ERVK3-1: variants seen among roughly 807,000 people sequenced by gnomAD.
ERVK3-1 encodes the protein endogenous retrovirus group K3 member 1.
Position 58,312,133 on chromosome 19 carries a change from C to G in ERVK3-1, c.-3-33C>G, listed in dbSNP as rs928017878. The stretch of plus-strand genomic sequence containing the variant: ...TGGAAAGGTCCGGTGGATTTGCTGA[C>G]GTGGGGACGAGGGTATGCTTGTGTT... On this transcript the variant is annotated intron_variant, in intron 2 of 3. Coordinates refer to ENST00000413518, the Ensembl canonical transcript of ERVK3-1. This position sits in a 1 kb window ranked among gnomAD's most constrained non-coding sequence, Gnocchi z 4.7. 3 of 399,856 alleles carry G rather than the reference C, an allele frequency of 7.5e-6. No individual in the cohort carries two copies. Among genetic ancestry groups the G allele is most frequent in the Non-Finnish European group, 1.3e-5 (3 of 226,096 alleles). 24.8% of individuals were successfully genotyped at this position (399,856 alleles called of 1,614,324 possible). A position where few individuals can be genotyped will look rare whatever the true frequency, so the allele number is the denominator to read the frequency against.
In ERVK3-1 at chr19:58,312,137, G is replaced by A. The variant is rs1052668571; in HGVS notation, c.-3-29G>A. 2.5e-5 allele frequency: 10 copies of A among 399,978 alleles called. No individual in the cohort carries two copies. The highest frequency in any genetic ancestry group is 4.0e-5 in the Non-Finnish European group (9 of 226,110). The allele number at this position is 399,978 out of a possible 1,614,324, so 24.8% of individuals were successfully genotyped here. On this transcript the variant is annotated intron_variant, in intron 2 of 3. Transcript: ENST00000413518. This position sits in a 1 kb window ranked among gnomAD's most constrained non-coding sequence, Gnocchi z 4.7. ...AAGGTCCGGTGGATTTGCTGACGTG[G>A]GGACGAGGGTATGCTTGTGTTTTTA...
rs117318795 is a variant in ERVK3-1, at chr19:58,308,700, C to T, written c.-4+2484C>T. ...CTGATAGGGGTCATTGATACTTCTT[C>T]TCCACCCACTGCCTTGCTGCTAGAG... On this transcript the variant is annotated intron_variant, in intron 2 of 3. Transcript: ENST00000413518. Among the ~76,000 whole-genome samples, 208 of 152,294 alleles carry T rather than the reference C, an allele frequency of 1.4e-3. 2 individuals are homozygous for T. The East Asian group carries it at 0.033, about 24-fold the overall frequency.
At chr19:58,307,162 G>A (rs749521141) in intron 2 of ERVK3-1, among the ~76,000 whole-genome samples, 7 of 152,218 alleles carry the variant, frequency 4.6e-5, no homozygotes, top group Non-Finnish European at 7.3e-5. Context: ...GCCGCTAAGC[G>A]TGCCTGGGCC....
intron 2 of ERVK3-1, among the ~76,000 whole-genome samples, chr19:58,306,915 CA>C (rs1290872705): frequency 6.6e-6 from 1 of 152,212 alleles, no homozygotes; most frequent in African/African-American, 2.4e-5. Flanking sequence ...AATCTGTATT[CA>C]GCACTATGCG....
Position 58,310,366 on chromosome 19 carries a change from G to T in ERVK3-1, c.-3-1800G>T. The T allele has an allele frequency of 6.3e-6, 1 of 159,192 alleles. No homozygotes were observed. Among genetic ancestry groups the T allele is most frequent in the Non-Finnish European group, 1.4e-5 (1 of 72,678 alleles). The allele number at this position is 159,192 out of a possible 1,614,324, so 9.9% of individuals were successfully genotyped here. Reference sequence around the variant, plus strand: ...AGATAAAAGGCAGCTGGGCCTGGGGGACCACTACCACCAATGCGCGGAGAC... The same window carrying T: ...AGATAAAAGGCAGCTGGGCCTGGGGTACCACTACCACCAATGCGCGGAGAC... On this transcript the variant is annotated intron_variant, in intron 2 of 3. Transcript: ENST00000413518. The surrounding 1 kb of genome is among the most constrained non-coding windows in gnomAD (Gnocchi z 4.7).
chr19:58,307,240 T>C (rs1483743273), intron 2 of ERVK3-1, among the ~76,000 whole-genome samples: 1 of 152,238 alleles, frequency 6.6e-6, no homozygotes, highest in Non-Finnish European at 1.5e-5. Flanking sequence ...CAGGAGCCCT[T>C]TGCACAATTT....
In ERVK3-1 at chr19:58,313,458, G is replaced by GT. The variant is rs755931583; in HGVS notation, c.294+1002dup. 4.0e-5 allele frequency among the ~76,000 whole-genome samples: 6 copies of GT among 151,424 alleles called. No individual in the cohort carries two copies. The highest frequency in any genetic ancestry group is 8.8e-5 in the Non-Finnish European group (6 of 67,976). ...CCGCCACCGTGCCAGGCTATTTTTT[G>GT]TTTTTTGTATTTTTAATAGAAACGG... On this transcript the variant is annotated intron_variant, in intron 3 of 3. Coordinates refer to ENST00000413518, the Ensembl canonical transcript of ERVK3-1. The surrounding 1 kb of genome is among the most constrained non-coding windows in gnomAD (Gnocchi z 4.5).
At chr19:58,315,747 C>G (rs2147973330), downstream of ERVK3-1, 1 of 152,288 alleles carries the variant, frequency 6.6e-6, no homozygotes, top group African/African-American at 2.4e-5. Flanking sequence ...CTGGGTGTAT[C>G]TGTTTGTCCG....
downstream of ERVK3-1, among the ~76,000 whole-genome samples, chr19:58,316,289 G>T (rs73941821): frequency 0.014 from 2,124 of 152,208 alleles, 50 homozygotes; most frequent in African/African-American, 0.048. Context: ...GGTAGAGAGG[G>T]TCTTTTACCC....
chr19:58,314,176 A>G (rs2051574896), intron 3 of ERVK3-1, among the ~76,000 whole-genome samples: 1 of 152,210 alleles, frequency 6.6e-6, no homozygotes, highest in African/African-American at 2.4e-5. Context: ...GTGAATATCC[A>G]TGGAACCTTG....
In ERVK3-1 at chr19:58,312,327, A is replaced by G. The variant is rs2051561525; in HGVS notation, c.159A>G (p.Thr53=). 1 of 400,206 alleles carries G rather than the reference A, an allele frequency of 2.5e-6. No individual in the cohort carries two copies. The highest frequency in any genetic ancestry group is 4.4e-6 in the Non-Finnish European group (1 of 226,090). 24.8% of individuals were successfully genotyped at this position (400,206 alleles called of 1,614,324 possible). A position where few individuals can be genotyped will look rare whatever the true frequency, so the allele number is the denominator to read the frequency against. The change falls in exon 3 of 4, where the codon ACA becomes ACG. Residue 53 remains threonine, a synonymous_variant. Coordinates refer to ENST00000413518, the Ensembl canonical transcript of ERVK3-1. This position sits in a 1 kb window ranked among gnomAD's most constrained non-coding sequence, Gnocchi z 4.7. ...CAGAACAAGGGCCGACCGGAGTCAC[A>G]ATGACATCCAACCCCATAACATGGG...
Position 58,312,053 on chromosome 19 carries a change from G to A in ERVK3-1, c.-3-113G>A. On this transcript the variant is annotated intron_variant, in intron 2 of 3. Transcript: ENST00000413518. This position sits in a 1 kb window ranked among gnomAD's most constrained non-coding sequence, Gnocchi z 4.7. Reference sequence around the variant, plus strand: ...CAGAACGACACTGGCAACTGCTAGAGGAAAAGAGGCAAGTTTATCCAAAAG... The same window carrying A: ...CAGAACGACACTGGCAACTGCTAGAAGAAAAGAGGCAAGTTTATCCAAAAG... 2.5e-6 allele frequency: 1 copy of A among 397,862 alleles called. No homozygotes were observed. Among genetic ancestry groups the A allele is most frequent in the Non-Finnish European group, 4.4e-6 (1 of 225,938 alleles). The allele number at this position is 397,862 out of a possible 1,614,324, so 24.6% of individuals were successfully genotyped here.
chr19:58,314,254 A>T (rs1337281484), intron 3 of ERVK3-1, among the ~76,000 whole-genome samples: 5 of 152,156 alleles, frequency 3.3e-5, no homozygotes, highest in Non-Finnish European at 5.9e-5. Flanking sequence ...TACAGAGTAA[A>T]ATTCTTAACT....
At chr19:58,315,972 C>T (rs1210420233), downstream of ERVK3-1, among the ~76,000 whole-genome samples, 2 of 152,152 alleles carry the variant, frequency 1.3e-5, no homozygotes, top group African/African-American at 4.8e-5. Context: ...GACCTCTGCC[C>T]AGGACTGAGA....
At chr19:58,315,826 A>G (rs950398717), downstream of ERVK3-1, among the ~76,000 whole-genome samples, 1 of 152,018 alleles carries the variant, frequency 6.6e-6, no homozygotes, top group Non-Finnish European at 1.5e-5. Flanking sequence ...GCCATACTTC[A>G]TTTTCCAGAA....
chr19:58,312,921 TTGAC>T lies in ERVK3-1; in HGVS notation c.294+462_294+465del, dbSNP rs1276027471. On this transcript the variant is annotated intron_variant, in intron 3 of 3. Transcript: ENST00000413518. The surrounding 1 kb of genome is among the most constrained non-coding windows in gnomAD (Gnocchi z 4.7). The stretch of plus-strand genomic sequence containing the variant: ...CAACAGTCTATGTTAATGGGAAACA[TTGAC>T]TGGGGTCCCCGTGGCCATTTAGAGG... The T allele has an allele frequency of 2.0e-5, 3 of 152,856 alleles. No individual in the cohort carries two copies. Among genetic ancestry groups the T allele is most frequent in the Middle Eastern group, 3.4e-3 (1 of 296 alleles). 9.5% of individuals were successfully genotyped at this position (152,856 alleles called of 1,614,324 possible).
At chr19:58,305,793 G>A (rs574721158) in intron 1 of ERVK3-1, among the ~76,000 whole-genome samples, 22 of 152,186 alleles carry the variant, frequency 1.4e-4, no homozygotes, top group Non-Finnish European at 2.9e-4. Context: ...TGCGTCTGCC[G>A]CCAGAAGGAA....
At chr19:58,316,267 C>G (rs2051592020), downstream of ERVK3-1, among the ~76,000 whole-genome samples, 1 of 152,190 alleles carries the variant, frequency 6.6e-6, no homozygotes, top group Non-Finnish European at 1.5e-5. Flanking sequence ...CATCACTCTC[C>G]ACTCAGCATT....
At chr19:58,308,166 C>T (rs558210509) in intron 2 of ERVK3-1, among the ~76,000 whole-genome samples, 11 of 152,222 alleles carry the variant, frequency 7.2e-5, no homozygotes, top group South Asian at 2.1e-4. Flanking sequence ...CCCTTCTTCA[C>T]GAAAGGAGAA....
Sources: gnomAD v4.1 joint callset for allele counts (sites outside exome capture counted in the v4.1 genomes callset) on GRCh38, gnomAD v4.1.1 for gene constraint, Gnocchi (gnomAD v3.1) non-coding constraint, MANE v1.5 for transcripts, NCBI Gene and HGNC (gene_info 2026-07-23, HGNC 2026-07-21) for gene names.